The following NGEF variants were observed in gnomAD, a reference collection of about 807,000 sequenced individuals.
The protein encoded by NGEF is ephexin-1.
In NGEF, 31 loss-of-function variants were observed where a neutral mutation model predicts 80.9. The observed-to-expected ratio is 0.38, with a 90% CI of 0.29 to 0.52. The LOEUF (loss-of-function observed/expected upper bound fraction) is 0.52, where lower values mean the gene tolerates loss of function less well. Ranked by LOEUF, NGEF falls within the 20% of genes least tolerant of loss-of-function variation. NGEF has a pLI of 0.84. For missense variants in NGEF, 709 were observed against 926.2 expected (o/e 0.77, Z 3.04); for synonymous variants, 371 against 370.2 (o/e 1.00, Z -0.03).
At chr2:232,911,367 G>C (rs546003352) in intron 5 of NGEF, among the ~76,000 whole-genome samples, 22 of 152,118 alleles carry the variant, frequency 1.4e-4, no homozygotes, top group South Asian at 2.1e-4. Context: ...ACTGATCTAT[G>C]TGTCTGTAAT....
chr2:232,890,604 G>A (rs1291503705), intron 8 of NGEF, among the ~76,000 whole-genome samples: 2 of 151,836 alleles, frequency 1.3e-5, no homozygotes, highest in Admixed American at 6.6e-5. Flanking sequence ...TCTCAGCAAC[G>A]GCTGCACACC....
chr2:232,949,933 T>A (rs1204912740), intron 3 of NGEF, among the ~76,000 whole-genome samples: 1 of 152,014 alleles, frequency 6.6e-6, no homozygotes, highest in Non-Finnish European at 1.5e-5. Context: ...TGTCTCTGCC[T>A]CCCGAGTAGC....
chr2:232,929,178 C>A (rs1361917005), intron 3 of NGEF, among the ~76,000 whole-genome samples: 1 of 152,172 alleles, frequency 6.6e-6, no homozygotes, highest in African/African-American at 2.4e-5. Flanking sequence ...GGGTGGAGTG[C>A]GGAGCATAGT....
At chr2:232,879,869 G>A (rs1417186939) in intron 14 of NGEF, among the ~76,000 whole-genome samples, 190 bp from the exon 15 acceptor site, 1 of 152,208 alleles carries the variant, frequency 6.6e-6, no homozygotes, top group Non-Finnish European at 1.5e-5. Flanking sequence ...AAGCTGGGAG[G>A]TGCATGAGCA....
At chr2:232,896,682 A>G (rs1454542104) in intron 5 of NGEF, among the ~76,000 whole-genome samples, 8 of 13,396 alleles carry the variant, frequency 6.0e-4, no homozygotes, top group Admixed American at 9.3e-4. Context: ...GGGTGGGGGT[A>G]GGGATGGGGG....
intron 6 of NGEF, 154 bp downstream of exon 6, chr2:232,894,602 T>G: frequency 3.5e-6 from 3 of 846,390 alleles, no homozygotes; most frequent in Non-Finnish European, 5.0e-6. Context: ...GAGGTTTGGA[T>G]TTAGTTCTTC....
chr2:232,937,720 A>G (rs2106294043), intron 3 of NGEF, among the ~76,000 whole-genome samples: 1 of 152,192 alleles, frequency 6.6e-6, no homozygotes, highest in East Asian at 1.9e-4. Context: ...CCTTGGTGTG[A>G]GTCTTTCTTC....
Position 232,974,854 on chromosome 2 carries a change from G to C in NGEF, c.37C>G (p.Arg13Gly), listed in dbSNP as rs779732421. 1.2e-6 allele frequency: 2 copies of C among 1,613,668 alleles called. No homozygotes were observed. Among genetic ancestry groups the C allele is most frequent in the African/African-American group, 1.3e-5 (1 of 74,842 alleles). The change falls in exon 2 of 15, where the codon CGG (arginine) becomes GGG (glycine). Residue 13 changes from arginine (R) to glycine (G), a missense_variant. Arg to Gly is a moderately radical substitution (Grantham distance 125, BLOSUM62 -2). This residue lies in a region of NGEF where 283 missense variants were observed against 303.4 expected (regional missense o/e 0.93). Transcript: ENST00000264051. ...CATTGATCACTTGCTGATTTCCTCCGGGTCTTTTCCAAATCTTCAGATTCC... is the reference window on the plus strand; with the variant it reads ...CATTGATCACTTGCTGATTTCCTCCCGGTCTTTTCCAAATCTTCAGATTCC... ...TRESEDLEKT[R>G]RKSASDQWNT... is the part of the protein sequence containing the mutation.
Position 233,012,258 on chromosome 2 carries a change from A to C in NGEF, c.-75+810T>G, listed in dbSNP as rs1308648440. 2.6e-5 allele frequency among the ~76,000 whole-genome samples: 4 copies of C among 152,334 alleles called. No individual in the cohort carries two copies. The East Asian group carries it at 7.7e-4, about 29-fold the overall frequency. On this transcript the variant is annotated intron_variant, in intron 1 of 14. Transcript: ENST00000264051. ...CACGAGCCCAGGAAACACAAGTCCC[A>C]CCTCTACACAGCCAGAGACTGTGTG...
At chr2:232,882,839 C>G (rs1011133801) in intron 12 of NGEF, among the ~76,000 whole-genome samples, 12 of 152,326 alleles carry the variant, frequency 7.9e-5, no homozygotes, top group Admixed American at 7.2e-4. Flanking sequence ...AAGCATCTCT[C>G]CCCACATTTA....
chr2:232,984,502 C>T (rs1559235234), intron 1 of NGEF, among the ~76,000 whole-genome samples: 1 of 152,140 alleles, frequency 6.6e-6, no homozygotes. Flanking sequence ...GGATTTGTAT[C>T]TATAACCTGT....
Position 232,882,246 on chromosome 2 carries a change from T to C in NGEF, c.1777A>G (p.Met593Val). ...ASSQSEMKRW[M>V]TSLAPNRRTK... is the part of the protein sequence containing the mutation. ...CTCCTGTTGGGGGCCAGTGAGGTCA[T>C]CCAACGCTTCATCTCACTCCTGGCA... The change falls in exon 13 of 15, where the codon ATG (methionine) becomes GTG (valine). Residue 593 changes from methionine to valine, a missense_variant. Met to Val is a conservative substitution (Grantham distance 21). This residue lies in a region of NGEF where 426 missense variants were observed against 622.9 expected (regional missense o/e 0.68). Coordinates refer to ENST00000264051, the MANE Select transcript of NGEF (RefSeq NM_019850.3). 6.2e-7 allele frequency: 1 copy of C among 1,613,704 alleles called. No homozygotes were observed. The highest frequency in any genetic ancestry group is 1.7e-5 in the Admixed American group (1 of 59,964).
At chr2:232,926,338 AT>A (rs3038717) in intron 4 of NGEF, among the ~76,000 whole-genome samples, 28,215 of 148,746 alleles carry the variant, frequency 0.19, 2,824 homozygotes, top group Non-Finnish European at 0.22. Context: ...GTCACTAGCG[AT>A]TTTTTTTTTT....
chr2:232,969,448 C>CCCTTCCTT (rs78124787), intron 3 of NGEF, among the ~76,000 whole-genome samples: 148 of 51,358 alleles, frequency 2.9e-3, no homozygotes, highest in Middle Eastern at 0.01. Flanking sequence ...TCCCTCCCTC[C>CCCTTCCTT]CCTTCCTTCC....
At chr2:232,928,252 G>C (rs191373913) in intron 3 of NGEF, 1 of 835,822 alleles carries the variant, frequency 1.2e-6, no homozygotes, top group Non-Finnish European at 1.4e-6. Context: ...GCGGCGGCGG[G>C]GCGGGGGCGC....
intron 3 of NGEF, among the ~76,000 whole-genome samples, chr2:232,943,104 C>T (rs1238156225): frequency 3.3e-5 from 5 of 152,056 alleles, no homozygotes. Context: ...CTGTCTAGGC[C>T]TGCTTCTCTG....
At chr2:232,953,907 G>A (rs1693737336) in intron 3 of NGEF, among the ~76,000 whole-genome samples, 1 of 152,182 alleles carries the variant, frequency 6.6e-6, no homozygotes, top group Non-Finnish European at 1.5e-5. Context: ...CAGGACAGTG[G>A]AGGTGATTGA....
intron 5 of NGEF, among the ~76,000 whole-genome samples, chr2:232,920,049 G>A (rs1692904017): frequency 6.6e-6 from 1 of 152,240 alleles, no homozygotes; most frequent in African/African-American, 2.4e-5. Context: ...TCATCAGACA[G>A]CAATGCTTCA....
At chr2:232,965,111 G>C (rs1694029999) in intron 3 of NGEF, among the ~76,000 whole-genome samples, 1 of 152,172 alleles carries the variant, frequency 6.6e-6, no homozygotes, top group South Asian at 2.1e-4. Context: ...ACAAACCAGG[G>C]AGATGAAATA....
Sources: allele counts gnomAD v4.1 joint callset (sites outside exome capture counted in the v4.1 genomes callset), GRCh38; gene constraint gnomAD v4.1.1; regional missense constraint gnomAD v4.1.1; transcripts MANE v1.5; gene names NCBI Gene and HGNC (gene_info 2026-07-23, HGNC 2026-07-21).